The following LAMA2 variants were observed in gnomAD, a reference collection of about 807,000 sequenced individuals.
The protein encoded by LAMA2 is laminin subunit alpha-2.
LAMA2 carries 269 observed loss-of-function variants against 364.8 expected under a neutral mutation model. The ratio of observed to expected loss-of-function variants is 0.74; its 90% confidence interval spans 0.67 to 0.82. The LOEUF (loss-of-function observed/expected upper bound fraction) is 0.82. Ranked by LOEUF, LAMA2 falls within the 40% of genes least tolerant of loss-of-function variation. The pLI, the probability that LAMA2 is intolerant of heterozygous loss-of-function variation, is 0.00. For synonymous variants in LAMA2, 1,379 were observed against 1,370.6 expected, an observed-to-expected ratio of 1.01 and a Z score of -0.14; for missense variants, 3,807 against 3,873.2, an observed-to-expected ratio of 0.98 and a Z score of 0.45.
At chr6:129,123,891 C>G (rs896953458) in intron 4 of LAMA2, among the ~76,000 whole-genome samples, 1 of 152,076 alleles carries the variant, frequency 6.6e-6, no homozygotes, top group Non-Finnish European at 1.5e-5. Flanking sequence ...TACAAATGTT[C>G]TTATCACAAA....
chr6:129,047,083 AAGAT>A (rs1403647222), intron 1 of LAMA2, among the ~76,000 whole-genome samples: 1 of 152,354 alleles, frequency 6.6e-6, no homozygotes, highest in African/African-American at 2.4e-5. Flanking sequence ...TAAAATGTCT[AAGAT>A]AGATAATGGC....
At chr6:129,119,407 T>C (rs1776669730) in intron 4 of LAMA2, among the ~76,000 whole-genome samples, 1 of 152,164 alleles carries the variant, frequency 6.6e-6, no homozygotes, top group Non-Finnish European at 1.5e-5. Context: ...TTCTTGATTA[T>C]AAGCAATGTT....
At chr6:128,937,920 G>A (rs1424412013) in intron 1 of LAMA2, among the ~76,000 whole-genome samples, 1 of 150,286 alleles carries the variant, frequency 6.7e-6, no homozygotes, top group Non-Finnish European at 1.5e-5. Context: ...ATTTATCAAT[G>A]TAAACTTCTC....
chr6:129,194,642 T>C (rs1052492591), intron 12 of LAMA2, among the ~76,000 whole-genome samples: 2 of 152,198 alleles, frequency 1.3e-5, no homozygotes, highest in Non-Finnish European at 2.9e-5. Context: ...GGTGTGCAAA[T>C]TGTTTGAATA....
intron 58 of LAMA2, among the ~76,000 whole-genome samples, chr6:129,496,804 C>T (rs1785228107): frequency 4.6e-5 from 7 of 152,140 alleles, no homozygotes; most frequent in Admixed American, 3.9e-4. Context: ...CCATAGCCCT[C>T]CCACTTTTAT....
At chr6:129,421,147 A>C (rs1781053499) in intron 40 of LAMA2, among the ~76,000 whole-genome samples, 1 of 152,160 alleles carries the variant, frequency 6.6e-6, no homozygotes, top group Admixed American at 6.5e-5. Flanking sequence ...ATTACATGCC[A>C]AGTCATCTGT....
chr6:129,093,862 G>C (rs1425041678), intron 3 of LAMA2, among the ~76,000 whole-genome samples: 1 of 152,106 alleles, frequency 6.6e-6, no homozygotes, highest in Non-Finnish European at 1.5e-5. Flanking sequence ...AAAGACACTT[G>C]GATATCATGA....
intron 1 of LAMA2, among the ~76,000 whole-genome samples, chr6:129,008,996 A>G (rs1332919504): frequency 6.6e-6 from 1 of 152,238 alleles, no homozygotes; most frequent in Non-Finnish European, 1.5e-5. Context: ...AGCACTTCTA[A>G]CAATAAAACA....
intron 12 of LAMA2, among the ~76,000 whole-genome samples, chr6:129,229,096 A>G (rs375345710): frequency 6.6e-5 from 10 of 152,186 alleles, no homozygotes; most frequent in African/African-American, 2.2e-4. Context: ...TCTAGTTTCC[A>G]AACAGTGAAT....
chr6:129,214,861 T>C (rs1783326876), intron 12 of LAMA2, among the ~76,000 whole-genome samples: 1 of 152,206 alleles, frequency 6.6e-6, no homozygotes, highest in Admixed American at 6.5e-5. Context: ...TCTACACAAA[T>C]TGGGAAGAAC....
intron 1 of LAMA2, among the ~76,000 whole-genome samples, chr6:129,048,489 T>TTCCTTCCTTCCTTCC (rs1787720080): frequency 4.2e-5 from 3 of 70,768 alleles, no homozygotes; most frequent in African/African-American, 1.1e-4. Flanking sequence ...TCTTTCTTTC[T>TTCCTTCCTTCCTTCC]TTCTTTCCTT....
At chr6:128,947,793 C>T (rs976870642) in intron 1 of LAMA2, among the ~76,000 whole-genome samples, 2 of 151,896 alleles carry the variant, frequency 1.3e-5, no homozygotes, top group African/African-American at 2.4e-5. Context: ...GAGACGCAGG[C>T]CTGAGGACAG....
At position 129,481,314 on chromosome 6, in the gene LAMA2, G is replaced by C. The variant is rs768440157; in HGVS notation, c.7624G>C (p.Val2542Leu). 1 of 1,613,824 alleles carries C rather than the reference G, an allele frequency of 6.2e-7. No homozygotes were observed. The highest frequency in any genetic ancestry group is 1.1e-5 in the South Asian group (1 of 91,072). ...GCCTGGTTTTGTGGAGCTCTCCCCT[G>C]TGCCAATTGATGTAGGAACAGAAAT... ...PKPGFVELSP[V>L]PIDVGTEINL... The change falls in exon 55 of 65, where the codon GTG becomes CTG. Residue 2542 changes from valine to leucine, a missense_variant. Coordinates refer to ENST00000421865, the MANE Select transcript of LAMA2 (RefSeq NM_000426.4).
rs143800904 is a variant in LAMA2, at chr6:129,089,778, C to T, written c.397-8395C>T. On this transcript the variant is annotated intron_variant, in intron 3 of 64. Coordinates refer to ENST00000421865, the MANE Select transcript of LAMA2 (RefSeq NM_000426.4). ...ATGATAGCAACTTAATGAAGCATGGCGTACTAAATGCATTAATAAGCTGAG... is the reference window on the plus strand; with the variant it reads ...ATGATAGCAACTTAATGAAGCATGGTGTACTAAATGCATTAATAAGCTGAG... Among the ~76,000 whole-genome samples, 82 of 152,260 alleles carry T rather than the reference C, an allele frequency of 5.4e-4. No homozygotes were observed. In the East Asian group the frequency reaches 0.013, roughly 23 times the overall value.
chr6:128,939,345 T>A (rs1010711828), intron 1 of LAMA2, among the ~76,000 whole-genome samples: 17 of 152,160 alleles, frequency 1.1e-4, no homozygotes, highest in Non-Finnish European at 2.1e-4. Context: ...TCCTTTTTTT[T>A]TTTCATCCCA....
chr6:129,075,075 A>G (rs938797443), intron 3 of LAMA2, among the ~76,000 whole-genome samples: 1 of 151,434 alleles, frequency 6.6e-6, no homozygotes, highest in African/African-American at 2.4e-5. Context: ...CAAGTTCATG[A>G]AAAAAAAAGC....
chr6:129,040,758 A>G (rs1321710933), intron 1 of LAMA2, among the ~76,000 whole-genome samples: 1 of 152,250 alleles, frequency 6.6e-6, no homozygotes, highest in Non-Finnish European at 1.5e-5. Flanking sequence ...GAATCCATTG[A>G]GGAGATCTGC....
chr6:129,311,141 A>G (rs1774198570), intron 22 of LAMA2, among the ~76,000 whole-genome samples: 1 of 149,186 alleles, frequency 6.7e-6, no homozygotes, highest in African/African-American at 2.5e-5. Context: ...TTTTTTTTTT[A>G]GACAGAGCCT....
At chr6:128,968,387 T>C (rs1306105738) in intron 1 of LAMA2, among the ~76,000 whole-genome samples, 1 of 152,196 alleles carries the variant, frequency 6.6e-6, no homozygotes, top group African/African-American at 2.4e-5. Context: ...GTCCCCATTC[T>C]TATGATGTTT....
Sources: allele counts gnomAD v4.1 joint callset (sites outside exome capture counted in the v4.1 genomes callset), GRCh38; gene constraint gnomAD v4.1.1; transcripts MANE v1.5; gene names NCBI Gene and HGNC (gene_info 2026-07-23, HGNC 2026-07-21).